Variants in ABCA13 observed in about 807,000 individuals in gnomAD.
ABCA13 encodes the protein ATP binding cassette subfamily A member 13.
ABCA13 carries 476 observed loss-of-function variants against 478.7 expected under a neutral mutation model. The observed-to-expected ratio is 0.99, with a 90% CI of 0.92 to 1.07. The LOEUF (loss-of-function observed/expected upper bound fraction) is 1.07. Among genes scored for constraint, ABCA13 ranks in the 50% least tolerant of loss-of-function variants. The probability of loss-of-function intolerance (pLI) is 0.00; values close to 1 mark genes in which losing one functional copy is unlikely to be tolerated. For missense variants in ABCA13, 6,060 were observed against 5,910.6 expected, an observed-to-expected ratio of 1.03 and a Z score of -0.83; for synonymous variants, 2,252 against 2,158.9, an observed-to-expected ratio of 1.04 and a Z score of -1.20.
rs1399906560 is a variant in ABCA13, at chr7:48,219,408, T to C, written c.342T>C (p.Phe114=). ...ADPKKVNNLA[F]LKEIQDLAEE... ...CCAAGAAAGTCAACAACCTGGCCTT[T>C]TTAAAAGAGATACAAGACCTGGCAG... Residue 114 remains phenylalanine (F), a synonymous_variant, in exon 4 of 62, where the codon TTT becomes TTC. Coordinates refer to ENST00000435803, the MANE Select transcript of ABCA13 (RefSeq NM_152701.5). 1.2e-6 allele frequency: 2 copies of C among 1,613,030 alleles called. No homozygotes were observed. Among genetic ancestry groups the C allele is most frequent in the Non-Finnish European group, 1.7e-6 (2 of 1,179,602 alleles).
Position 48,389,078 on chromosome 7 carries a change from A to C in ABCA13, c.11512A>C (p.Ser3838Arg). Residue 3838 changes from serine to arginine, a missense_variant, in exon 37 of 62, where the codon AGT becomes CGT. This residue lies in a region of ABCA13 where 1,627 missense variants were observed against 1,571.0 expected (regional missense o/e 1.04). Coordinates refer to ENST00000435803, the MANE Select transcript of ABCA13 (RefSeq NM_152701.5). The part of the protein sequence containing the change: ...LQNREGELEG[S>R]APGVTLVSVT... ...AAACAGGGAAGGAGAGCTTGAAGGAAGTGCCCCGGGAGTCACCCTGGTGTC... is the reference window on the plus strand; with the variant it reads ...AAACAGGGAAGGAGAGCTTGAAGGACGTGCCCCGGGAGTCACCCTGGTGTC... 6.2e-7 allele frequency: 1 copy of C among 1,613,924 alleles called. No homozygotes were observed. The highest frequency in any genetic ancestry group is 8.5e-7 in the Non-Finnish European group (1 of 1,179,838).
chr7:48,527,128 G>T (rs1413165800), intron 54 of ABCA13, among the ~76,000 whole-genome samples: 1 of 152,124 alleles, frequency 6.6e-6, no homozygotes, highest in Admixed American at 6.6e-5. Context: ...TATTAAAAAT[G>T]TGGTTTATAG....
chr7:48,297,364 C>T, intron 22 of ABCA13, 53 bp downstream of exon 22: 2 of 1,438,258 alleles, frequency 1.4e-6, no homozygotes, highest in Non-Finnish European at 1.9e-6. Flanking sequence ...TTTAGTTTCT[C>T]ATGCAAATAT....
Position 48,273,366 on chromosome 7 carries a change from T to G in ABCA13, c.3700T>G (p.Phe1234Val), listed in dbSNP as rs1795880385. ...GGAGGACTTCCTGGATCTCAGGGAT[T>G]TTTTGGTAGCTTTAGGTAATGCATT... ...NWEDFLDLRD[F>V]LVALGNALVS... The change falls in exon 17 of 62, where the codon TTT (phenylalanine) becomes GTT (valine). Residue 1234 changes from phenylalanine (F) to valine (V), a missense_variant. By Grantham distance (50) the Phe-to-Val change is conservative. Around this residue, in one of 3 missense-constraint regions of ABCA13, gnomAD observed 4,423 missense variants for 4,309.1 expected, o/e 1.03. Transcript: ENST00000435803. 2 of 1,613,712 alleles carry G rather than the reference T, an allele frequency of 1.2e-6. No individual in the cohort carries two copies. The highest frequency in any genetic ancestry group is 1.7e-6 in the Non-Finnish European group (2 of 1,179,748).
At chr7:48,608,498 A>G (rs1392322238) in intron 58 of ABCA13, among the ~76,000 whole-genome samples, 1 of 152,208 alleles carries the variant, frequency 6.6e-6, no homozygotes, top group Admixed American at 6.5e-5. Context: ...TGCATGCTAC[A>G]TCCACGTAAT....
chr7:48,275,726 T>C lies in ABCA13; in HGVS notation c.6060T>C (p.His2020=), dbSNP rs1231235689. The C allele has an allele frequency of 6.2e-7, 1 of 1,604,848 alleles. No individual in the cohort carries two copies. The highest frequency in any genetic ancestry group is 8.5e-7 in the Non-Finnish European group (1 of 1,174,882). The change falls in exon 17 of 62, where the codon CAT becomes CAC. Residue 2020 remains histidine, a synonymous_variant. Coordinates refer to ENST00000435803, the MANE Select transcript of ABCA13 (RefSeq NM_152701.5). Reference sequence around the variant, plus strand: ...ACTGGAGCCTAGAAAAAAGTACGCATAATCTACTCTCTTTATTCATGATGC... The same window carrying C: ...ACTGGAGCCTAGAAAAAAGTACGCACAATCTACTCTCTTTATTCATGATGC... ...SEDWSLEKST[H]NLLSLFMMLQ...
intron 16 of ABCA13, among the ~76,000 whole-genome samples, chr7:48,270,649 A>G (rs1795474361): frequency 6.6e-6 from 1 of 152,176 alleles, no homozygotes; most frequent in Non-Finnish European, 1.5e-5. Flanking sequence ...AAAAATAACA[A>G]CTAACTAAAT....
At chr7:48,270,837 G>A (rs1795501578) in intron 16 of ABCA13, among the ~76,000 whole-genome samples, 1 of 152,020 alleles carries the variant, frequency 6.6e-6, no homozygotes, top group Admixed American at 6.6e-5. Context: ...AGCCAATAAA[G>A]GTCAAAAATT....
At chr7:48,201,553 C>G (rs1006340760) in intron 3 of ABCA13, among the ~76,000 whole-genome samples, 1 of 152,068 alleles carries the variant, frequency 6.6e-6, no homozygotes, top group African/African-American at 2.4e-5. Flanking sequence ...AACCCTGTCT[C>G]TACTATAAAT....
chr7:48,579,168 A>G (rs1788466636), intron 55 of ABCA13, among the ~76,000 whole-genome samples: 2 of 152,268 alleles, frequency 1.3e-5, no homozygotes, highest in African/African-American at 4.8e-5. Flanking sequence ...CTGCTCCTGC[A>G]AAAGACACTG....
chr7:48,474,858 T>G (rs1043220718), intron 45 of ABCA13, among the ~76,000 whole-genome samples: 1 of 152,106 alleles, frequency 6.6e-6, no homozygotes, highest in Non-Finnish European at 1.5e-5. Context: ...GGGATTAGAG[T>G]GGGTAAATAT....
At chr7:48,635,802 A>G (rs1794585828) in intron 59 of ABCA13, among the ~76,000 whole-genome samples, 1 of 152,092 alleles carries the variant, frequency 6.6e-6, no homozygotes, top group Admixed American at 6.6e-5. Context: ...AATGCCACAG[A>G]CTATTACTGT....
intron 22 of ABCA13, 85 bp from the exon 23 acceptor site, chr7:48,298,281 A>G: frequency 8.0e-7 from 1 of 1,256,756 alleles, no homozygotes; most frequent in Non-Finnish European, 1.1e-6. Context: ...TATCCTAGCC[A>G]GGTTGTAATA....
chr7:48,550,994 T>A (rs566870184), intron 55 of ABCA13, among the ~76,000 whole-genome samples: 2 of 151,994 alleles, frequency 1.3e-5, no homozygotes, highest in African/African-American at 4.8e-5. Flanking sequence ...TCTCTTGACT[T>A]ATTTATGAAA....
At chr7:48,527,461 G>A (rs1832959134) in intron 54 of ABCA13, among the ~76,000 whole-genome samples, 1 of 152,144 alleles carries the variant, frequency 6.6e-6, no homozygotes, top group African/African-American at 2.4e-5. Flanking sequence ...AGCTGTCTTG[G>A]AAGGAGATTG....
intron 41 of ABCA13, among the ~76,000 whole-genome samples, chr7:48,418,371 T>C (rs749992226): frequency 6.6e-6 from 1 of 152,260 alleles, no homozygotes. Flanking sequence ...CTCTGGATTT[T>C]AGCCATTCTA....
At chr7:48,366,855 C>G (rs367882889) in intron 31 of ABCA13, among the ~76,000 whole-genome samples, 1 of 152,126 alleles carries the variant, frequency 6.6e-6, no homozygotes, top group Admixed American at 6.6e-5. Context: ...TTGGCAGAGA[C>G]AGAACATAGC....
chr7:48,374,311 C>G, intron 33 of ABCA13, 36 bp from the exon 34 acceptor site: 1 of 1,579,608 alleles, frequency 6.3e-7, no homozygotes, highest in Non-Finnish European at 8.6e-7. Flanking sequence ...AATCAAAACA[C>G]TAACGTGCAG....
At chr7:48,603,333 T>G (rs934299971) in intron 58 of ABCA13, among the ~76,000 whole-genome samples, 1 of 152,182 alleles carries the variant, frequency 6.6e-6, no homozygotes, top group Non-Finnish European at 1.5e-5. Context: ...TGCTTCTAGG[T>G]TTTGCGCATT....
Sources: gnomAD v4.1 joint callset for allele counts (sites outside exome capture counted in the v4.1 genomes callset) on GRCh38, gnomAD v4.1.1 for gene constraint, gnomAD v4.1.1 regional missense constraint, MANE v1.5 for transcripts, NCBI Gene and HGNC (gene_info 2026-07-23, HGNC 2026-07-21) for gene names.